The following INPP4B variants were observed in gnomAD, a reference collection of about 807,000 sequenced individuals.
INPP4B encodes inositol polyphosphate-4-phosphatase type II B.
Under a neutral mutation model 122.5 loss-of-function variants are expected in INPP4B, and 55 were observed. That is an observed-to-expected ratio of 0.45 (90% CI 0.36 to 0.56). The LOEUF (loss-of-function observed/expected upper bound fraction) is 0.56. Among genes scored for constraint, INPP4B ranks in the 20% least tolerant of loss-of-function variants. INPP4B has a pLI of 0.00. For synonymous variants in INPP4B, 403 were observed against 388.7 expected, an observed-to-expected ratio of 1.04 and a Z score of -0.43; for missense variants, 1,000 against 1,097.7, an observed-to-expected ratio of 0.91 and a Z score of 1.26.
intron 9 of INPP4B, among the ~76,000 whole-genome samples, chr4:142,281,074 T>C (rs1750971078): frequency 6.6e-6 from 1 of 151,808 alleles, no homozygotes. Flanking sequence ...AAAGAAACTG[T>C]TCCTGAGACT....
At chr4:142,174,449 T>G (rs1827069014) in intron 15 of INPP4B, among the ~76,000 whole-genome samples, 1 of 152,000 alleles carries the variant, frequency 6.6e-6, no homozygotes, top group Non-Finnish European at 1.5e-5. Context: ...AGCTGAGAAA[T>G]GAGGAGAAAA....
chr4:142,731,714 C>T (rs1766107792), intron 1 of INPP4B, among the ~76,000 whole-genome samples: 1 of 151,906 alleles, frequency 6.6e-6, no homozygotes, highest in Admixed American at 6.6e-5. Flanking sequence ...GTAATAGAAG[C>T]ATTAGGACTA....
intron 12 of INPP4B, among the ~76,000 whole-genome samples, chr4:142,215,781 TA>T (rs1846876166): frequency 6.6e-6 from 1 of 150,854 alleles, no homozygotes; most frequent in Non-Finnish European, 1.5e-5. Context: ...TAGTCCCAGC[TA>T]CTCGGGAGGC....
At chr4:142,180,782 T>C (rs1197971807) in intron 15 of INPP4B, among the ~76,000 whole-genome samples, 1 of 152,088 alleles carries the variant, frequency 6.6e-6, no homozygotes, top group African/African-American at 2.4e-5. Flanking sequence ...ATAACTAATA[T>C]GGGAAACATT....
intron 2 of INPP4B, among the ~76,000 whole-genome samples, chr4:142,682,653 G>C (rs1033390583): frequency 2.0e-5 from 3 of 151,880 alleles, no homozygotes; most frequent in Non-Finnish European, 4.4e-5. Flanking sequence ...TTGCATGAGA[G>C]CAGAAAATAT....
intron 1 of INPP4B, among the ~76,000 whole-genome samples, chr4:142,826,020 C>A (rs889001027): frequency 6.6e-6 from 1 of 152,008 alleles, no homozygotes; most frequent in Non-Finnish European, 1.5e-5. Flanking sequence ...CTGTTCTAAA[C>A]ACTGATTTTT....
intron 14 of INPP4B, among the ~76,000 whole-genome samples, chr4:142,199,814 A>G (rs1038822236): frequency 6.6e-6 from 1 of 152,082 alleles, no homozygotes; most frequent in African/African-American, 2.4e-5. Context: ...TCAGAGCATC[A>G]TATCAGTGTA....
At chr4:142,584,211 T>C (rs1321527588) in intron 2 of INPP4B, among the ~76,000 whole-genome samples, 1 of 152,122 alleles carries the variant, frequency 6.6e-6, no homozygotes, top group Admixed American at 6.6e-5. Context: ...AGAATAATTG[T>C]TAAGATAGTA....
chr4:142,608,440 T>A (rs1205010393), intron 2 of INPP4B, among the ~76,000 whole-genome samples: 1 of 152,164 alleles, frequency 6.6e-6, no homozygotes, highest in Non-Finnish European at 1.5e-5. Flanking sequence ...TATGCAGGAT[T>A]TATGAGTTTT....
intron 7 of INPP4B, among the ~76,000 whole-genome samples, chr4:142,320,532 CAT>C (rs1216759846): frequency 6.6e-6 from 1 of 152,146 alleles, no homozygotes; most frequent in Non-Finnish European, 1.5e-5. Flanking sequence ...TTTGGAAGAA[CAT>C]GTGGTGTTTG....
intron 25 of INPP4B, among the ~76,000 whole-genome samples, chr4:142,040,516 A>T (rs2152326198): frequency 6.6e-6 from 1 of 152,334 alleles, no homozygotes; most frequent in South Asian, 2.1e-4. Context: ...AGGAGCTGAA[A>T]TATGCAATGA....
In INPP4B at chr4:142,414,803, C is replaced by T. The variant is rs77092446; in HGVS notation, c.137-9479G>A. 3.4e-3 allele frequency among the ~76,000 whole-genome samples: 522 copies of T among 152,324 alleles called. 6 individuals are homozygous for T. The highest frequency in any genetic ancestry group is 0.012 in the African/African-American group (494 of 41,578). On this transcript the variant is annotated intron_variant, in intron 5 of 25. Transcript: ENST00000262992. Reference sequence around the variant, plus strand: ...GCTGGCCTAGCACCGCCTATCGTTGCATTCAGACTTGGCTCTTTTTGTGCA... The same window carrying T: ...GCTGGCCTAGCACCGCCTATCGTTGTATTCAGACTTGGCTCTTTTTGTGCA...
chr4:142,369,475 G>A (rs1365485520), intron 7 of INPP4B, among the ~76,000 whole-genome samples: 2 of 151,734 alleles, frequency 1.3e-5, no homozygotes, highest in African/African-American at 2.4e-5. Flanking sequence ...TACTTGGGAG[G>A]CTGAGGTAGG....
intron 2 of INPP4B, among the ~76,000 whole-genome samples, chr4:142,603,902 GAA>G (rs543399502): frequency 1.9e-3 from 151 of 80,578 alleles, no homozygotes; most frequent in Non-Finnish European, 3.8e-3. Context: ...AACCAGACAA[GAA>G]CACACACACA....
chr4:142,304,823 C>A (rs930856339), intron 9 of INPP4B, among the ~76,000 whole-genome samples: 1 of 152,074 alleles, frequency 6.6e-6, no homozygotes, highest in Non-Finnish European at 1.5e-5. Context: ...TTTATGTTTT[C>A]AAATTTACTT....
rs1320171164 is a variant in INPP4B, at chr4:142,579,890, GA to G, written c.-190-117165del. 1.3e-4 allele frequency among the ~76,000 whole-genome samples: 18 copies of G among 139,990 alleles called. No individual in the cohort carries two copies. The East Asian group carries it at 3.8e-3, about 29-fold the overall frequency. 91.8% of individuals were successfully genotyped at this position (139,990 alleles called of 152,430 possible). A position where few individuals can be genotyped will look rare whatever the true frequency, so the allele number is the denominator to read the frequency against. ...AGATAGATAGGTAGGTAGATAGATA[GA>G]TAGATAGATAGATAGATAGATAGAT... On this transcript the variant is annotated intron_variant, in intron 2 of 25. Transcript: ENST00000262992.
At chr4:142,398,398 AAAAATATATATATATATAT>A (rs1800246317) in intron 7 of INPP4B, among the ~76,000 whole-genome samples, 1 of 18,216 alleles carries the variant, frequency 5.5e-5, no homozygotes, top group African/African-American at 1.8e-4. Context: ...AAAAAAAAAA[AAAAATATATATATATATAT>A]ATATATATAT....
intron 2 of INPP4B, among the ~76,000 whole-genome samples, chr4:142,538,906 G>C (rs2150021792): frequency 6.6e-6 from 1 of 151,796 alleles, no homozygotes; most frequent in South Asian, 2.1e-4. Flanking sequence ...AAAAAAGAAA[G>C]AGAGAGATAA....
intron 7 of INPP4B, among the ~76,000 whole-genome samples, chr4:142,351,730 TC>T (rs1781988412): frequency 6.6e-6 from 1 of 152,014 alleles, no homozygotes; most frequent in Admixed American, 6.6e-5. Context: ...TAAAGTCAGA[TC>T]TTTTGTACAA....
Sources: gnomAD v4.1 joint callset for allele counts (sites outside exome capture counted in the v4.1 genomes callset) on GRCh38, gnomAD v4.1.1 for gene constraint, MANE v1.5 for transcripts, NCBI Gene and HGNC (gene_info 2026-07-23, HGNC 2026-07-21) for gene names.